ASTN1: variants seen among roughly 807,000 people sequenced by gnomAD.
The protein encoded by ASTN1 is astrotactin-1.
ASTN1 carries 41 observed loss-of-function variants against 140.7 expected under a neutral mutation model. The ratio of observed to expected loss-of-function variants is 0.29; its 90% confidence interval spans 0.23 to 0.38. The LOEUF (loss-of-function observed/expected upper bound fraction) is 0.38. ASTN1 is among the 10% of genes least tolerant of loss of function. The probability of loss-of-function intolerance (pLI) is 1.00; values close to 1 mark genes in which losing one functional copy is unlikely to be tolerated. For synonymous variants in ASTN1, 640 were observed against 652.2 expected (o/e 0.98, Z 0.29); for missense variants, 1,479 against 1,678.8 (o/e 0.88, Z 2.08).
intron 8 of ASTN1, among the ~76,000 whole-genome samples, chr1:176,966,057 T>C (rs1672868502): frequency 6.6e-6 from 1 of 152,198 alleles, no homozygotes; most frequent in Non-Finnish European, 1.5e-5. Context: ...AAAGCAAGAC[T>C]TAGCAAAGAC....
intron 16 of ASTN1, among the ~76,000 whole-genome samples, chr1:176,932,936 C>T (rs1330343586): frequency 6.6e-6 from 1 of 152,200 alleles, no homozygotes; most frequent in Admixed American, 6.5e-5. Context: ...GAAAGCTTTG[C>T]CAGCTGGAAC....
rs1272912424 is a variant in ASTN1 at position 176,882,957 on chromosome 1, T to C, written c.3264A>G (p.Gly1088=). ...ATGGCATTGCACAAGGAGACTTTGC[T>C]CCAGAGATGATGTCGTCCACAAAGC... is the stretch of plus-strand genomic sequence containing the variant. ...VLSFVDDIIS[G]AKSPCAMPSQ... The change falls in exon 20 of 23, where the codon GGA becomes GGG. Residue 1088 remains glycine (G), a synonymous_variant. Coordinates refer to ENST00000361833, the MANE Select transcript of ASTN1 (RefSeq NM_004319.3). 2 of 1,613,930 alleles carry C rather than the reference T, an allele frequency of 1.2e-6. No individual in the cohort carries two copies. The highest frequency in any genetic ancestry group is 1.7e-6 in the Non-Finnish European group (2 of 1,180,030).
At chr1:176,954,597 G>A (rs1672323385) in intron 11 of ASTN1, among the ~76,000 whole-genome samples, 1 of 152,296 alleles carries the variant, frequency 6.6e-6, no homozygotes, top group African/African-American at 2.4e-5. Flanking sequence ...AAGATTATAA[G>A]TACTCTTGAA....
chr1:177,079,874 G>T (rs182150311), intron 1 of ASTN1, among the ~76,000 whole-genome samples: 1 of 151,936 alleles, frequency 6.6e-6, no homozygotes, highest in Non-Finnish European at 1.5e-5. Flanking sequence ...ACCAGGTCTC[G>T]TTCTGTTATT....
chr1:176,940,758 C>A (rs1671680923), intron 14 of ASTN1, among the ~76,000 whole-genome samples: 1 of 152,178 alleles, frequency 6.6e-6, no homozygotes, highest in African/African-American at 2.4e-5. Context: ...CAAGATAAGA[C>A]ATGTAGTTCA....
At position 176,863,472 on chromosome 1, in the gene ASTN1, A is replaced by T. The variant is rs1668032380; in HGVS notation, c.*812T>A. On this transcript the variant is annotated 3_prime_UTR_variant, in exon 23 of 23. Transcript: ENST00000361833. ...TTTTTTTAAAAAACAATAAACTCCA[A>T]GTCTCCTCTTGAATGTGGACTGCTA... 2.0e-6 allele frequency: 2 copies of T among 985,620 alleles called. No individual in the cohort carries two copies. The highest frequency in any genetic ancestry group is 4.7e-5 in the South Asian group (1 of 21,286). 61.1% of individuals were successfully genotyped at this position (985,620 alleles called of 1,614,324 possible).
chr1:176,869,401 T>C (rs1668252366), intron 21 of ASTN1, among the ~76,000 whole-genome samples: 1 of 152,182 alleles, frequency 6.6e-6, no homozygotes, highest in Admixed American at 6.5e-5. Context: ...CTAAGGTCTG[T>C]TTCAGTTACA....
chr1:176,876,255 G>T (rs1475563592), intron 21 of ASTN1, among the ~76,000 whole-genome samples: 1 of 152,172 alleles, frequency 6.6e-6, no homozygotes, highest in Non-Finnish European at 1.5e-5. Context: ...ACATACGTCA[G>T]CACCTGGCAT....
In ASTN1 at chr1:176,863,165, T is replaced by C. The variant is rs1668021841; in HGVS notation, c.*1119A>G. The C allele has an allele frequency of 1.0e-6, 1 of 985,924 alleles. No homozygotes were observed. The highest frequency in any genetic ancestry group is 1.7e-5 in the African/African-American group (1 of 57,382). 61.1% of individuals were successfully genotyped at this position (985,924 alleles called of 1,614,324 possible). A position where few individuals can be genotyped will look rare whatever the true frequency, so the allele number is the denominator to read the frequency against. ...AGAATCCCTGTGACTGGATGGGCAG[T>C]GACCATGGTGGAATCCTCCTGCTTA... On this transcript the variant is annotated 3_prime_UTR_variant, in exon 23 of 23. Transcript: ENST00000361833.
intron 7 of ASTN1, among the ~76,000 whole-genome samples, chr1:177,023,202 C>T (rs965027804): frequency 6.6e-6 from 1 of 152,160 alleles, no homozygotes; most frequent in Admixed American, 6.5e-5. Context: ...CAGTTAGTAT[C>T]CTTCCAAGTC....
chr1:177,091,759 C>T (rs1679767034), intron 1 of ASTN1, among the ~76,000 whole-genome samples: 1 of 152,068 alleles, frequency 6.6e-6, no homozygotes, highest in South Asian at 2.1e-4. Context: ...TATGTATTTG[C>T]CTATTATGAC....
intron 8 of ASTN1, among the ~76,000 whole-genome samples, chr1:176,985,226 A>C (rs186065892): frequency 2.1e-4 from 32 of 152,260 alleles, no homozygotes; most frequent in African/African-American, 7.2e-4. Flanking sequence ...TTCCTATGCC[A>C]AGGAATTATC....
At position 176,869,033 on chromosome 1, in the gene ASTN1, G is replaced by A. The variant is rs773585625; in HGVS notation, c.3464-6C>T. 4.5e-6 allele frequency: 7 copies of A among 1,568,146 alleles called. No homozygotes were observed. In the East Asian group the frequency reaches 1.4e-4, roughly 30 times the overall value. The stretch of plus-strand genomic sequence containing the variant: ...GTAGATCTTGTCTGCTATTTCTGAG[G>A]AAGGAGGAAAAGGAAAATAAGTTAT... On this transcript the variant is annotated splice_region_variant and splice_polypyrimidine_tract_variant and intron_variant, in intron 21 of 22. Coordinates refer to ENST00000361833, the MANE Select transcript of ASTN1 (RefSeq NM_004319.3).
intron 8 of ASTN1, among the ~76,000 whole-genome samples, chr1:177,011,413 C>G (rs1268583965): frequency 6.6e-6 from 1 of 152,048 alleles, no homozygotes; most frequent in Non-Finnish European, 1.5e-5. Flanking sequence ...GAGCAGGAAC[C>G]CATCTTCTTC....
At chr1:177,064,512 T>C (rs1321923368) in intron 1 of ASTN1, among the ~76,000 whole-genome samples, 1 of 152,182 alleles carries the variant, frequency 6.6e-6, no homozygotes, top group African/African-American at 2.4e-5. Context: ...GTAGCACCAA[T>C]GGAAGAACAG....
chr1:177,103,249 T>C (rs1680384287), intron 1 of ASTN1, among the ~76,000 whole-genome samples: 1 of 152,180 alleles, frequency 6.6e-6, no homozygotes, highest in African/African-American at 2.4e-5. Flanking sequence ...CATAATGAGA[T>C]GCTAAGGCAA....
intron 5 of ASTN1, among the ~76,000 whole-genome samples, chr1:177,029,091 C>G (rs1676284931): frequency 6.6e-6 from 1 of 152,102 alleles, no homozygotes. Context: ...CCACCTTAAC[C>G]CTGCCAGGGG....
intron 13 of ASTN1, 107 bp from the exon 14 acceptor site, chr1:176,944,125 T>G: frequency 7.1e-7 from 1 of 1,413,250 alleles, no homozygotes; most frequent in South Asian, 1.2e-5. Flanking sequence ...TTGCCCAGGC[T>G]GGAGTGCAAT....
intron 14 of ASTN1, among the ~76,000 whole-genome samples, chr1:176,940,835 T>C (rs1056626057): frequency 6.6e-6 from 1 of 152,206 alleles, no homozygotes; most frequent in Non-Finnish European, 1.5e-5. Flanking sequence ...TGTGTGAAAA[T>C]GATTCTCTAG....
Sources: gnomAD v4.1 joint callset for allele counts (sites outside exome capture counted in the v4.1 genomes callset) on GRCh38, gnomAD v4.1.1 for gene constraint, MANE v1.5 for transcripts, NCBI Gene and HGNC (gene_info 2026-07-23, HGNC 2026-07-21) for gene names.